PCDHGA5: variants seen among roughly 807,000 people sequenced by gnomAD.
The protein encoded by PCDHGA5 is protocadherin gamma-A5.
In PCDHGA5, 36 loss-of-function variants were observed where a neutral mutation model predicts 56.7. That is an observed-to-expected ratio of 0.64 (90% CI 0.49 to 0.84). The LOEUF (loss-of-function observed/expected upper bound fraction) is 0.84, where lower values mean the gene tolerates loss of function less well. Ranked by LOEUF, PCDHGA5 falls within the 40% of genes least tolerant of loss-of-function variation. PCDHGA5 has a pLI of 0.00. For synonymous variants in PCDHGA5, 563 were observed against 520.2 expected (o/e 1.08, Z -1.12); for missense variants, 1,305 against 1,201.5 (o/e 1.09, Z -1.27).
intron 1 of PCDHGA5, chr5:141,415,379 G>T: frequency 3.7e-6 from 6 of 1,614,250 alleles, no homozygotes; most frequent in Non-Finnish European, 3.4e-6. Flanking sequence ...TCAGGAGGCG[G>T]CTTGACAGGT....
chr5:141,396,790 C>G (rs2093435054), intron 1 of PCDHGA5, among the ~76,000 whole-genome samples: 2 of 152,128 alleles, frequency 1.3e-5, no homozygotes. Flanking sequence ...AGGACATTTC[C>G]TAAGGATTGT....
intron 1 of PCDHGA5, chr5:141,441,578 C>T (rs889509502): frequency 2.9e-5 from 6 of 207,738 alleles, no homozygotes; most frequent in Non-Finnish European, 5.9e-5. Flanking sequence ...CCAACCTAGA[C>T]TTGGGACCCA....
chr5:141,510,141 T>C (rs1596266322), intron 3 of PCDHGA5, among the ~76,000 whole-genome samples: 1 of 152,014 alleles, frequency 6.6e-6, no homozygotes. Flanking sequence ...GGGCTAGTGG[T>C]GTGCACCTGT....
intron 3 of PCDHGA5, chr5:141,507,285 C>T (rs80317708): frequency 2.7e-5 from 4 of 150,212 alleles, no homozygotes; most frequent in African/African-American, 7.4e-5. Flanking sequence ...ATAAGTCAGT[C>T]TCAAATGTTG....
intron 1 of PCDHGA5, among the ~76,000 whole-genome samples, chr5:141,460,807 A>G (rs2098998307): frequency 6.6e-6 from 1 of 151,962 alleles, no homozygotes; most frequent in Non-Finnish European, 1.5e-5. Context: ...ATATATATGT[A>G]TGTATACATA....
intron 1 of PCDHGA5, chr5:141,404,569 C>T (rs887708182): frequency 6.2e-7 from 1 of 1,613,608 alleles, no homozygotes; most frequent in African/African-American, 1.3e-5. Context: ...ACAGTGGAAG[C>T]CCACCACTTA....
In PCDHGA5 at chr5:141,409,272, T is replaced by G. The variant is rs2095250021; in HGVS notation, c.2421+42521T>G. ...ATCACTTCTCTCTCTGATCAGATTT[T>G]GGAGAATTCACCTCCAGGAATGGTT... On this transcript the variant is annotated intron_variant, in intron 1 of 3. Coordinates refer to ENST00000518069, the MANE Select transcript of PCDHGA5 (RefSeq NM_018918.3). 5 of 1,614,042 alleles carry G rather than the reference T, an allele frequency of 3.1e-6. No individual in the cohort carries two copies. In the South Asian group the frequency reaches 4.4e-5, roughly 14 times the overall value.
intron 1 of PCDHGA5, chr5:141,399,783 C>T: frequency 6.2e-7 from 1 of 1,613,300 alleles, no homozygotes; most frequent in Non-Finnish European, 8.5e-7. Context: ...GCGACCGAAA[C>T]GACAACGCAC....
chr5:141,374,310 C>T, intron 1 of PCDHGA5: 3 of 1,614,006 alleles, frequency 1.9e-6, no homozygotes, highest in Non-Finnish European at 1.7e-6. Flanking sequence ...CAGCTTTTCT[C>T]TCTGAATCCG....
chr5:141,430,882 A>G, intron 1 of PCDHGA5: 3 of 1,601,068 alleles, frequency 1.9e-6, no homozygotes, highest in Non-Finnish European at 2.6e-6. Context: ...AGCTGGAGAA[A>G]GGCTCTAGGG....
In PCDHGA5 at chr5:141,382,630, A is replaced by G. The variant is rs142649877; in HGVS notation, c.2421+15879A>G. ...TGAAATCAGTGTATTGTGTGCATCA[A>G]TGTGGTGCAGTAACTTAGTAAGGAC... On this transcript the variant is annotated intron_variant, in intron 1 of 3. Coordinates refer to ENST00000518069, the MANE Select transcript of PCDHGA5 (RefSeq NM_018918.3). The G allele has an allele frequency of 1.3e-4, 49 of 364,976 alleles. 1 individual carries two copies. Among genetic ancestry groups the G allele is most frequent in the Middle Eastern group, 7.2e-4 (1 of 1,388 alleles). 22.6% of individuals were successfully genotyped at this position (364,976 alleles called of 1,614,324 possible). A position where few individuals can be genotyped will look rare whatever the true frequency, so the allele number is the denominator to read the frequency against.
Position 141,405,054 on chromosome 5 carries a change from C to G in PCDHGA5, c.2421+38303C>G, listed in dbSNP as rs773491411. ...CTCGTTGTGGCTGTGGCAGTCGTCT[C>G]CTGTGTCTTCCTCACCTTCGTTATC... On this transcript the variant is annotated intron_variant, in intron 1 of 3. Transcript: ENST00000518069. The G allele has an allele frequency of 2.3e-5, 37 of 1,613,806 alleles. 1 individual carries two copies. The South Asian group carries it at 4.1e-4, about 18-fold the overall frequency.
rs1230185523 is a variant in PCDHGA5, at chr5:141,413,155, G to C, written c.2421+46404G>C. 10 of 1,576,552 alleles carry C rather than the reference G, an allele frequency of 6.3e-6. No individual in the cohort carries two copies. The South Asian group carries it at 1.2e-4, about 18-fold the overall frequency. ...CAACGTGTCCAGTGAGGACTTTGCA[G>C]AATTCTGTAACCAGACTACAATGGC... On this transcript the variant is annotated intron_variant, in intron 1 of 3. Coordinates refer to ENST00000518069, the MANE Select transcript of PCDHGA5 (RefSeq NM_018918.3).
intron 1 of PCDHGA5, among the ~76,000 whole-genome samples, chr5:141,459,613 C>T (rs1040874685): frequency 2.6e-5 from 4 of 152,188 alleles, no homozygotes; most frequent in African/African-American, 9.7e-5. Context: ...ATATGCTTAA[C>T]TTTATAAGAA....
intron 1 of PCDHGA5, among the ~76,000 whole-genome samples, chr5:141,472,192 C>A (rs2099274015): frequency 1.3e-5 from 2 of 152,134 alleles, no homozygotes; most frequent in South Asian, 2.1e-4. Context: ...GAATTTGAAT[C>A]TTTTTGACAC....
chr5:141,434,253 G>C (rs979768901), intron 1 of PCDHGA5, among the ~76,000 whole-genome samples: 9 of 152,198 alleles, frequency 5.9e-5, no homozygotes, highest in Non-Finnish European at 1.3e-4. Flanking sequence ...CTTGGGCATT[G>C]TGGGGGAGGT....
At chr5:141,376,280 G>A (rs1366103411) in intron 1 of PCDHGA5, 4 of 1,614,226 alleles carry the variant, frequency 2.5e-6, no homozygotes, top group Admixed American at 1.7e-5. Context: ...AGGTGGCTTA[G>A]CGAGCATGCC....
chr5:141,463,438 CTTTTTTTTTTT>C (rs71576115), intron 1 of PCDHGA5, among the ~76,000 whole-genome samples: 7 of 103,256 alleles, frequency 6.8e-5, no homozygotes, highest in African/African-American at 1.8e-4. Flanking sequence ...TTTCCTTCTC[CTTTTTTTTTTT>C]TTTTTTTTTT....
At chr5:141,385,285 G>C in intron 1 of PCDHGA5, 1 of 1,613,408 alleles carries the variant, frequency 6.2e-7, no homozygotes, top group Non-Finnish European at 8.5e-7. Flanking sequence ...AACATCCGTA[G>C]ATTTTCAGGA....
Sources: allele counts gnomAD v4.1 joint callset (sites outside exome capture counted in the v4.1 genomes callset), GRCh38; gene constraint gnomAD v4.1.1; transcripts MANE v1.5; gene names NCBI Gene and HGNC (gene_info 2026-07-23, HGNC 2026-07-21).